Variants in ADGRV1 observed in about 807,000 individuals in gnomAD.
The protein encoded by ADGRV1 is adhesion G protein-coupled receptor V1, also known as G-protein coupled receptor 98.
A neutral mutation model predicts 596.2 loss-of-function variants in ADGRV1; 359 were observed. The ratio of observed to expected loss-of-function variants is 0.60; its 90% CI spans 0.55 to 0.66. The LOEUF (loss-of-function observed/expected upper bound fraction) is 0.66. Ranked by LOEUF, ADGRV1 falls within the 30% of genes least tolerant of loss-of-function variation. The probability of loss-of-function intolerance (pLI) is 0.00; values close to 1 mark genes in which losing one functional copy is unlikely to be tolerated. For missense variants in ADGRV1, 7,274 were observed against 7,575.6 expected, an observed-to-expected ratio of 0.96 and a Z score of 1.48; for synonymous variants, 2,681 against 2,679.2, an observed-to-expected ratio of 1.00 and a Z score of -0.02.
At chr5:91,098,164 C>T (rs182845561) in intron 86 of ADGRV1, among the ~76,000 whole-genome samples, 5 of 152,146 alleles carry the variant, frequency 3.3e-5, no homozygotes, top group East Asian at 1.9e-4. Context: ...TCATCAAATG[C>T]GAAATAACAG....
rs200032526 is a variant in ADGRV1, at chr5:90,791,335, A to G, written c.14506A>G (p.Ile4836Val). 1.9e-6 allele frequency: 3 copies of G among 1,557,340 alleles called. No individual in the cohort carries two copies. Among genetic ancestry groups the G allele is most frequent in the Non-Finnish European group, 2.6e-6 (3 of 1,149,150 alleles). ...CACATATAAAGTGGACGTGGTGCCA[A>G]TAAAGAATCAGGTTTGTGGCATTTC... ...GATYKVDVVPIKNQVFLSLGS... is the reference protein window; with the variant it reads ...GATYKVDVVPVKNQVFLSLGS... The change falls in exon 70 of 90, where the codon ATA becomes GTA. Residue 4836 changes from isoleucine (I) to valine (V), a missense_variant. Ile to Val is a conservative substitution (Grantham distance 29, BLOSUM62 3). Transcript: ENST00000405460.
chr5:90,829,291 C>A, intron 77 of ADGRV1, 105 bp downstream of exon 77: 1 of 994,590 alleles, frequency 1.0e-6, no homozygotes, highest in Non-Finnish European at 1.4e-6. Flanking sequence ...CTGAGGATAA[C>A]ATCGTAATTC....
intron 78 of ADGRV1, among the ~76,000 whole-genome samples, chr5:90,847,504 C>T (rs542246889): frequency 2.0e-5 from 3 of 152,370 alleles, no homozygotes; most frequent in South Asian, 2.1e-4. Flanking sequence ...GCCAGTCCTG[C>T]GCTGTGTGCC....
intron 83 of ADGRV1, among the ~76,000 whole-genome samples, chr5:90,922,095 A>C (rs1035965249): frequency 6.6e-6 from 1 of 152,206 alleles, no homozygotes; most frequent in African/African-American, 2.4e-5. Flanking sequence ...TTTGGTGGAC[A>C]GTCCCGTATC....
At chr5:90,980,120 A>G (rs1400541016) in intron 84 of ADGRV1, among the ~76,000 whole-genome samples, 2 of 152,202 alleles carry the variant, frequency 1.3e-5, no homozygotes, top group African/African-American at 4.8e-5. Context: ...TGATCATGAT[A>G]TGCTGGTAAT....
At position 91,060,390 on chromosome 5, in the gene ADGRV1, ATATATATAT is replaced by A. The variant is rs1410155752; in HGVS notation, c.18153-12055_18153-12047del. The stretch of plus-strand genomic sequence containing the variant: ...TATATGTGTGTGTGTATATATATAT[ATATATATAT>A]TTTTTTTTTTAATAGAGACGAGGTT... On this transcript the variant is annotated intron_variant, in intron 85 of 89. Coordinates refer to ENST00000405460, the MANE Select transcript of ADGRV1 (RefSeq NM_032119.4). 6.5e-5 allele frequency among the ~76,000 whole-genome samples: 9 copies of A among 139,528 alleles called. No homozygotes were observed. In the South Asian group the frequency reaches 1.3e-3, roughly 20 times the overall value. The allele number at this position is 139,528 out of a possible 152,430, so 91.5% of individuals were successfully genotyped here.
Position 90,685,813 on chromosome 5 carries a change from A to G in ADGRV1, c.6308A>G (p.Glu2103Gly). Residue 2103 changes from glutamate to glycine, a missense_variant, in exon 29 of 90, where the codon GAA (glutamate) becomes GGA (glycine). Physicochemically the swap from Glu to Gly is moderately conservative, Grantham distance 98. Coordinates refer to ENST00000405460, the MANE Select transcript of ADGRV1 (RefSeq NM_032119.4). Reference protein sequence around the residue: ...PNSPRLGPKVETIAQLIIIAN... With the variant: ...PNSPRLGPKVGTIAQLIIIAN... ...TCTCCACGTCTTGGGCCTAAGGTAG[A>G]AACTATTGCGCAACTAATTATCATT... 6.2e-7 allele frequency: 1 copy of G among 1,610,960 alleles called. No individual in the cohort carries two copies. Among genetic ancestry groups the G allele is most frequent in the Non-Finnish European group, 8.5e-7 (1 of 1,178,472 alleles).
At chr5:91,049,667 A>G (rs1350290480) in intron 85 of ADGRV1, among the ~76,000 whole-genome samples, 1 of 152,248 alleles carries the variant, frequency 6.6e-6, no homozygotes, top group Non-Finnish European at 1.5e-5. Context: ...GGATGACTAT[A>G]ACCAAATGAA....
At chr5:90,610,495 T>C (rs1226612367) in intron 1 of ADGRV1, among the ~76,000 whole-genome samples, 1 of 151,984 alleles carries the variant, frequency 6.6e-6, no homozygotes, top group Non-Finnish European at 1.5e-5. Flanking sequence ...CCTTAGTTTG[T>C]CTAAGTGTCT....
At chr5:90,644,540 G>C (rs1767453357) in intron 14 of ADGRV1, among the ~76,000 whole-genome samples, 166 bp from the exon 15 acceptor site, 1 of 152,156 alleles carries the variant, frequency 6.6e-6, no homozygotes, top group South Asian at 2.1e-4. Flanking sequence ...GGAGGAACAG[G>C]CTAATATATT....
At chr5:90,722,993 C>G (rs1264936837) in intron 45 of ADGRV1, among the ~76,000 whole-genome samples, 1 of 151,952 alleles carries the variant, frequency 6.6e-6, no homozygotes, top group Non-Finnish European at 1.5e-5. Flanking sequence ...TGGCAGATAC[C>G]AGCAGAAGAG....
chr5:90,879,560 T>G (rs1207038115), intron 83 of ADGRV1, among the ~76,000 whole-genome samples: 1 of 152,182 alleles, frequency 6.6e-6, no homozygotes. Context: ...TCCTTTTGAG[T>G]TTCTTAAAAT....
intron 58 of ADGRV1, among the ~76,000 whole-genome samples, chr5:90,760,640 T>A (rs1216736139): frequency 6.6e-6 from 1 of 152,124 alleles, no homozygotes; most frequent in African/African-American, 2.4e-5. Flanking sequence ...TTGTGACTTA[T>A]GTAGAAAAAA....
intron 1 of ADGRV1, among the ~76,000 whole-genome samples, chr5:90,572,839 T>G (rs1756719597): frequency 6.6e-6 from 1 of 151,996 alleles, no homozygotes; most frequent in South Asian, 2.1e-4. Context: ...GAAATTGGAA[T>G]TAGAATGGAC....
At position 90,854,083 on chromosome 5, in the gene ADGRV1, G is replaced by C; in HGVS notation, c.17476G>C (p.Gly5826Arg). 6.3e-7 allele frequency: 1 copy of C among 1,583,664 alleles called. No individual in the cohort carries two copies. The highest frequency in any genetic ancestry group is 8.6e-7 in the Non-Finnish European group (1 of 1,160,732). Residue 5826 changes from glycine to arginine, a missense_variant, in exon 81 of 90, where the codon GGT becomes CGT. Coordinates refer to ENST00000405460, the MANE Select transcript of ADGRV1 (RefSeq NM_032119.4). ...CTAGGTATTATCTTTGAGTGTGAAA[G>C]GTCAGAGTTCACAACTCCTGACTAA... The part of the protein sequence containing the change: ...KNKVLSLSVK[G>R]QSSQLLTNDN...
chr5:91,140,605 T>A (rs1278136694), intron 87 of ADGRV1, among the ~76,000 whole-genome samples: 4 of 152,138 alleles, frequency 2.6e-5, no homozygotes, highest in Non-Finnish European at 4.4e-5. Context: ...TCTATATTAT[T>A]AAGTCCCACC....
intron 83 of ADGRV1, among the ~76,000 whole-genome samples, chr5:90,896,274 T>TTTC (rs1370002963): frequency 7.3e-6 from 1 of 137,372 alleles, no homozygotes; most frequent in East Asian, 2.1e-4. Context: ...GTGGTTTTTT[T>TTTC]TTTTTTTTTT....
Position 90,928,720 on chromosome 5 carries a change from G to A in ADGRV1, c.17857-36695G>A, listed in dbSNP as rs527293240. ...GAGGAGAGGCGCTCTGCTTTTTAGA[G>A]TTTCCCGTTTTTCTGTTCTGTTTTT... On this transcript the variant is annotated intron_variant, in intron 83 of 89. Coordinates refer to ENST00000405460, the MANE Select transcript of ADGRV1 (RefSeq NM_032119.4). Among the ~76,000 whole-genome samples the A allele has an allele frequency of 8.6e-4, 130 of 151,224 alleles. 1 individual carries two copies. The highest frequency in any genetic ancestry group is 1.5e-3 in the Non-Finnish European group (103 of 67,896).
At chr5:90,889,568 C>T (rs1319509507) in intron 83 of ADGRV1, among the ~76,000 whole-genome samples, 1 of 152,054 alleles carries the variant, frequency 6.6e-6, no homozygotes, top group Non-Finnish European at 1.5e-5. Context: ...AATCTTTCAT[C>T]TACAACAATA....
Sources: gnomAD v4.1 joint callset for allele counts (sites outside exome capture counted in the v4.1 genomes callset) on GRCh38, gnomAD v4.1.1 for gene constraint, MANE v1.5 for transcripts, NCBI Gene and HGNC (gene_info 2026-07-23, HGNC 2026-07-21) for gene names.